BBS9: variants seen among roughly 807,000 people sequenced by gnomAD.
The protein encoded by BBS9 is protein PTHB1.
In BBS9, 89 loss-of-function variants were observed where a neutral mutation model predicts 117.7. The observed-to-expected ratio is 0.76, with a 90% CI of 0.64 to 0.90. The LOEUF is 0.90. BBS9 is among the 40% of genes least tolerant of loss of function. The pLI, the probability that BBS9 is intolerant of heterozygous loss-of-function variation, is 0.00. For synonymous variants in BBS9, 379 were observed against 370.9 expected (o/e 1.02, Z -0.25); for missense variants, 982 against 1,042.2 (o/e 0.94, Z 0.80).
intron 19 of BBS9, among the ~76,000 whole-genome samples, chr7:33,460,309 T>C (rs1839274307): frequency 6.6e-6 from 1 of 152,148 alleles, no homozygotes; most frequent in Non-Finnish European, 1.5e-5. Flanking sequence ...CTGGAATTTC[T>C]TGGCTTTATC....
At chr7:33,485,454 C>T (rs370336309) in intron 19 of BBS9, among the ~76,000 whole-genome samples, 149 of 151,642 alleles carry the variant, frequency 9.8e-4, no homozygotes, top group Middle Eastern at 3.4e-3. Context: ...GGACTACAGG[C>T]GCCCGCCACC....
At chr7:33,482,237 A>C (rs1031034877) in intron 19 of BBS9, among the ~76,000 whole-genome samples, 1 of 152,184 alleles carries the variant, frequency 6.6e-6, no homozygotes, top group Non-Finnish European at 1.5e-5. Context: ...AGAAAAGGAC[A>C]GTTATGTTCA....
chr7:33,432,061 T>A (rs1461995475), intron 19 of BBS9, among the ~76,000 whole-genome samples: 1 of 151,942 alleles, frequency 6.6e-6, no homozygotes, highest in Non-Finnish European at 1.5e-5. Flanking sequence ...TAAACATTTT[T>A]GCCAGGATTT....
At chr7:33,303,380 A>G (rs765726348) in intron 9 of BBS9, among the ~76,000 whole-genome samples, 36 of 152,200 alleles carry the variant, frequency 2.4e-4, no homozygotes, top group Non-Finnish European at 4.4e-4. Flanking sequence ...ATTCAGTATG[A>G]AACTAGCTAT....
At chr7:33,542,319 G>A (rs889482393) in intron 21 of BBS9, among the ~76,000 whole-genome samples, 13 of 152,158 alleles carry the variant, frequency 8.5e-5, no homozygotes, top group African/African-American at 2.9e-4. Flanking sequence ...TCCTGACCTC[G>A]TGATCCACCC....
At chr7:33,403,197 G>C (rs949985617) in intron 19 of BBS9, among the ~76,000 whole-genome samples, 1 of 151,734 alleles carries the variant, frequency 6.6e-6, no homozygotes, top group Admixed American at 6.6e-5. Flanking sequence ...CTGTCACCCA[G>C]GTAGTGAACA....
intron 21 of BBS9, among the ~76,000 whole-genome samples, chr7:33,569,361 T>C (rs1006988890): frequency 2.0e-5 from 3 of 150,322 alleles, no homozygotes; most frequent in Non-Finnish European, 3.0e-5. Flanking sequence ...TCAAACTCAA[T>C]CAGAGGTTGT....
At chr7:33,262,438 C>A (rs139466412) in intron 6 of BBS9, among the ~76,000 whole-genome samples, 2 of 152,228 alleles carry the variant, frequency 1.3e-5, no homozygotes, top group African/African-American at 4.8e-5. Flanking sequence ...GCAGGACAAG[C>A]TTTGGGATGA....
chr7:33,240,606 G>T (rs756777606), intron 5 of BBS9, among the ~76,000 whole-genome samples: 59 of 151,914 alleles, frequency 3.9e-4, no homozygotes, highest in Admixed American at 7.2e-4. Flanking sequence ...CTTCCCCCTT[G>T]AACTTTAAAA....
At chr7:33,420,652 C>CT (rs1832721558) in intron 19 of BBS9, among the ~76,000 whole-genome samples, 1 of 151,934 alleles carries the variant, frequency 6.6e-6, no homozygotes, top group Non-Finnish European at 1.5e-5. Context: ...GAGCCCACTG[C>CT]TTTTTTTTCT....
chr7:33,338,269 G>T (rs1347675845), intron 10 of BBS9, among the ~76,000 whole-genome samples: 1 of 151,924 alleles, frequency 6.6e-6, no homozygotes, highest in Non-Finnish European at 1.5e-5. Flanking sequence ...TTTATTTCTA[G>T]ATATGGAAAA....
At chr7:33,250,794 A>G (rs1169386857) in intron 5 of BBS9, among the ~76,000 whole-genome samples, 1 of 152,232 alleles carries the variant, frequency 6.6e-6, no homozygotes, top group African/African-American at 2.4e-5. Context: ...CTTCAGCTCA[A>G]CAGACATTTA....
At chr7:33,571,552 A>AT (rs1010329646) in intron 21 of BBS9, among the ~76,000 whole-genome samples, 2 of 151,830 alleles carry the variant, frequency 1.3e-5, no homozygotes, top group African/African-American at 2.4e-5. Context: ...AATTTTTCTT[A>AT]TTTTTTTGCC....
intron 21 of BBS9, among the ~76,000 whole-genome samples, chr7:33,558,623 T>A (rs559747428): frequency 1.9e-4 from 29 of 152,286 alleles, no homozygotes; most frequent in East Asian, 9.7e-4. Context: ...CCTTTTTTTT[T>A]ATGAACCTAT....
intron 2 of BBS9, among the ~76,000 whole-genome samples, chr7:33,152,319 A>G (rs1016567937): frequency 1.3e-5 from 2 of 152,122 alleles, no homozygotes; most frequent in Non-Finnish European, 2.9e-5. Flanking sequence ...TTTTTAATAC[A>G]GTGTTTTCGA....
intron 14 of BBS9, among the ~76,000 whole-genome samples, chr7:33,352,307 A>G (rs1017205829): frequency 3.3e-5 from 5 of 152,008 alleles, no homozygotes; most frequent in African/African-American, 1.2e-4. Flanking sequence ...GCAATTTGAA[A>G]GACAGAATTT....
chr7:33,438,600 C>A (rs961164181), intron 19 of BBS9, among the ~76,000 whole-genome samples: 1 of 152,086 alleles, frequency 6.6e-6, no homozygotes, highest in Admixed American at 6.6e-5. Flanking sequence ...AGGGAAAATC[C>A]ATTTCATACA....
chr7:33,300,258 A>G (rs554727703), intron 9 of BBS9, among the ~76,000 whole-genome samples: 3 of 152,216 alleles, frequency 2.0e-5, no homozygotes, highest in South Asian at 4.1e-4. Context: ...TCTCTTGCCA[A>G]TGATTTTCAT....
intron 20 of BBS9, among the ~76,000 whole-genome samples, chr7:33,520,071 C>T (rs985869800): frequency 2.0e-4 from 30 of 149,204 alleles, no homozygotes; most frequent in African/African-American, 6.9e-4. Context: ...TGCAGTGATG[C>T]GATCTCAGCT....
Sources: gnomAD v4.1 joint callset for allele counts (sites outside exome capture counted in the v4.1 genomes callset) on GRCh38, gnomAD v4.1.1 for gene constraint, MANE v1.5 for transcripts, NCBI Gene and HGNC (gene_info 2026-07-23, HGNC 2026-07-21) for gene names.